The following WWOX variants were observed in gnomAD, a reference collection of about 807,000 sequenced individuals.
WWOX encodes WW domain containing oxidoreductase, also known as WW domain-containing oxidoreductase.
In WWOX, 69 loss-of-function variants were observed where a neutral mutation model predicts 46.2. The ratio of observed to expected loss-of-function variants is 1.49; its 90% CI spans 1.23 to 1.82. The LOEUF (loss-of-function observed/expected upper bound fraction) is 1.82, where lower values mean the gene tolerates loss of function less well. Ranked by LOEUF, WWOX falls within the 40% of genes most tolerant of loss-of-function variation. The pLI, the probability that WWOX is intolerant of heterozygous loss-of-function variation, is 0.00. For missense variants in WWOX, 919 were observed against 542.6 expected (o/e 1.69, Z -6.89); for synonymous variants, 359 against 202.6 (o/e 1.77, Z -6.56).
At chr16:79,009,489 A>G (rs1179226444) in intron 8 of WWOX, among the ~76,000 whole-genome samples, 2 of 150,900 alleles carry the variant, frequency 1.3e-5, no homozygotes, top group Admixed American at 6.6e-5. Flanking sequence ...TTTTTTTTAG[A>G]TGGACTTTCG....
intron 8 of WWOX, among the ~76,000 whole-genome samples, chr16:78,840,846 C>T (rs1223915362): frequency 2.0e-5 from 3 of 151,828 alleles, no homozygotes; most frequent in Non-Finnish European, 4.4e-5. Context: ...AATTGGTAAT[C>T]CCCCAGGGGA....
At chr16:78,220,917 T>G (rs958845104) in intron 5 of WWOX, among the ~76,000 whole-genome samples, 2 of 152,236 alleles carry the variant, frequency 1.3e-5, no homozygotes, top group South Asian at 2.1e-4. Context: ...GGATATCCAC[T>G]GAGAAGCTTG....
rs1447794716 is a variant in WWOX, at chr16:78,144,448, C to CAT, written c.410-19734_410-19733insTA. Among the ~76,000 whole-genome samples, 91 of 17,592 alleles carry CAT rather than the reference C, an allele frequency of 5.2e-3. 7 individuals are homozygous for CAT. The highest frequency in any genetic ancestry group is 0.071 in the Middle Eastern group (1 of 14). 11.5% of individuals were successfully genotyped at this position (17,592 alleles called of 152,430 possible). On this transcript the variant is annotated intron_variant, in intron 4 of 8. Transcript: ENST00000566780. ...CCATTACTATATATATATATATATA[C>CAT]ACATATATATATATACACACATATA...
chr16:78,323,177 A>G (rs1441496301), intron 5 of WWOX, among the ~76,000 whole-genome samples: 1 of 152,076 alleles, frequency 6.6e-6, no homozygotes, highest in African/African-American at 2.4e-5. Flanking sequence ...GCACGATCTC[A>G]GCTCACTACA....
chr16:78,299,355 G>A (rs1232642767), intron 5 of WWOX, among the ~76,000 whole-genome samples: 2 of 152,036 alleles, frequency 1.3e-5, no homozygotes, highest in Admixed American at 1.3e-4. Context: ...CATCACTTCA[G>A]TAGAGTGAAC....
At chr16:78,106,939 G>A (rs906915886) in intron 1 of WWOX, among the ~76,000 whole-genome samples, 1 of 152,204 alleles carries the variant, frequency 6.6e-6, no homozygotes, top group African/African-American at 2.4e-5. Flanking sequence ...TCTTCAGCGT[G>A]CTGAGTGAGG....
intron 8 of WWOX, among the ~76,000 whole-genome samples, chr16:79,037,423 A>T (rs2151404858): frequency 6.6e-6 from 1 of 152,278 alleles, no homozygotes. Context: ...ATGATGCTGT[A>T]TGCTGGGTAC....
intron 6 of WWOX, among the ~76,000 whole-genome samples, chr16:78,414,982 A>C (rs912555130): frequency 6.6e-6 from 1 of 151,968 alleles, no homozygotes. Flanking sequence ...GTAAAAGAAT[A>C]AAAGAATGGC....
Position 78,951,848 on chromosome 16 carries a change from A to C in WWOX, c.1057-259760A>C, listed in dbSNP as rs1567432790. 3.9e-5 allele frequency among the ~76,000 whole-genome samples: 6 copies of C among 152,306 alleles called. No individual in the cohort carries two copies. In the South Asian group the frequency reaches 1.2e-3, roughly 32 times the overall value. On this transcript the variant is annotated intron_variant, in intron 8 of 8. Coordinates refer to ENST00000566780, the MANE Select transcript of WWOX (RefSeq NM_016373.4). ...GTAAGAGGCAGTTCCTGGCACCAGC[A>C]TGCCAAAGGCAGATAGCAACACTCT...
intron 6 of WWOX, among the ~76,000 whole-genome samples, chr16:78,400,809 C>A (rs1447051372): frequency 6.6e-6 from 1 of 152,212 alleles, no homozygotes; most frequent in Admixed American, 6.5e-5. Flanking sequence ...CACTACAATT[C>A]ATATATCAGA....
chr16:78,353,175 C>A (rs1161555088), intron 5 of WWOX, among the ~76,000 whole-genome samples: 1 of 152,158 alleles, frequency 6.6e-6, no homozygotes, highest in Admixed American at 6.5e-5. Flanking sequence ...TTCATCATAA[C>A]ACCTATCTTA....
chr16:78,147,360 T>C (rs1038496176), intron 4 of WWOX, among the ~76,000 whole-genome samples: 2 of 152,182 alleles, frequency 1.3e-5, no homozygotes, highest in Non-Finnish European at 2.9e-5. Context: ...GGCAAGGTGA[T>C]GGTGAGCCCA....
At chr16:78,899,927 T>G (rs2044787260) in intron 8 of WWOX, among the ~76,000 whole-genome samples, 1 of 152,164 alleles carries the variant, frequency 6.6e-6, no homozygotes, top group African/African-American at 2.4e-5. Flanking sequence ...AGTCTGCAGG[T>G]GTTCCATGAA....
intron 8 of WWOX, among the ~76,000 whole-genome samples, chr16:78,458,329 C>T (rs935693667): frequency 1.3e-5 from 2 of 148,730 alleles, no homozygotes; most frequent in African/African-American, 2.5e-5. Flanking sequence ...GGCGTGATCA[C>T]AGCTCACTGC....
chr16:79,050,760 G>T (rs1433532285), intron 8 of WWOX, among the ~76,000 whole-genome samples: 1 of 152,220 alleles, frequency 6.6e-6, no homozygotes, highest in African/African-American at 2.4e-5. Flanking sequence ...AGGAAGTGAG[G>T]AGAATAGGGT....
At chr16:78,499,004 G>T (rs1338411309) in intron 8 of WWOX, among the ~76,000 whole-genome samples, 1 of 152,218 alleles carries the variant, frequency 6.6e-6, no homozygotes, top group African/African-American at 2.4e-5. Flanking sequence ...TTTTGTCTAT[G>T]AAGTACACGA....
At chr16:78,455,788 A>C (rs972106710) in intron 8 of WWOX, among the ~76,000 whole-genome samples, 1 of 133,568 alleles carries the variant, frequency 7.5e-6, no homozygotes, top group African/African-American at 3.7e-5. Context: ...GGGGAGGTGA[A>C]GGTTAAAAAA....
At chr16:79,113,334 C>T (rs540307990) in intron 8 of WWOX, among the ~76,000 whole-genome samples, 5 of 152,202 alleles carry the variant, frequency 3.3e-5, no homozygotes, top group South Asian at 2.1e-4. Context: ...TGGAACATGC[C>T]GTCTCTGAGT....
intron 8 of WWOX, among the ~76,000 whole-genome samples, chr16:78,844,022 T>A (rs2052232188): frequency 6.6e-6 from 1 of 152,068 alleles, no homozygotes. Context: ...TAGCCAGGGG[T>A]TAAAGACTGC....
Sources: gnomAD v4.1 joint callset for allele counts (sites outside exome capture counted in the v4.1 genomes callset) on GRCh38, gnomAD v4.1.1 for gene constraint, MANE v1.5 for transcripts, NCBI Gene and HGNC (gene_info 2026-07-23, HGNC 2026-07-21) for gene names.